Variants in SYTL2 observed in about 807,000 individuals in gnomAD.
SYTL2 encodes the protein synaptotagmin-like protein 2.
A neutral mutation model predicts 198.7 loss-of-function variants in SYTL2; 165 were observed. The observed-to-expected ratio is 0.83, with a 90% CI of 0.73 to 0.94. The LOEUF (loss-of-function observed/expected upper bound fraction) is 0.94. Among genes scored for constraint, SYTL2 ranks in the 40% least tolerant of loss-of-function variants. SYTL2 has a pLI of 0.00. For synonymous variants in SYTL2, 966 were observed against 917.7 expected (o/e 1.05, Z -0.95); for missense variants, 2,835 against 2,582.8 (o/e 1.10, Z -2.12).
chr11:85,816,915 CAAAAA>C, the SYTL2 span, among the ~76,000 whole-genome samples: 4 of 80,918 alleles, frequency 4.9e-5, no homozygotes, highest in African/African-American at 5.0e-5. Flanking sequence ...AACCCTGTCT[CAAAAA>C]AAAAAAAAAA....
Position 85,734,631 on chromosome 11 carries a change from G to A in SYTL2, c.698C>T (p.Ala233Val), listed in dbSNP as rs776027389. 7 of 1,614,026 alleles carry A rather than the reference G, an allele frequency of 4.3e-6. No individual in the cohort carries two copies. Among genetic ancestry groups the A allele is most frequent in the South Asian group, 1.1e-5 (1 of 91,086 alleles). The change falls in exon 7 of 20, where the codon GCT (alanine) becomes GTT (valine). Residue 233 changes from alanine to valine, a missense_variant. Physicochemically the swap from Ala to Val is moderately conservative, Grantham distance 64 (BLOSUM62 0). This residue lies in a region of SYTL2 where 2,645 missense variants were observed against 2,381.7 expected (regional missense o/e 1.11). Coordinates refer to ENST00000359152, the MANE Select transcript of SYTL2 (RefSeq NM_206927.4). ...PGLSNGSQIK[A>V]PIPKARKMIY... ...CATCTTCCTGGCTTTGGGGATTGGA[G>A]CCTTGATTTGGGACCCATTTGAAAG...
intron 17 of SYTL2, among the ~76,000 whole-genome samples, chr11:85,698,644 C>T (rs776810563): frequency 6.6e-6 from 1 of 152,072 alleles, no homozygotes; most frequent in Non-Finnish European, 1.5e-5. Flanking sequence ...CTCAAGTGAT[C>T]CTCCTACCTC....
intron 1 of SYTL2, among the ~76,000 whole-genome samples, chr11:85,789,531 G>C (rs1447497865): frequency 6.7e-6 from 1 of 149,798 alleles, no homozygotes; most frequent in Non-Finnish European, 1.5e-5. Flanking sequence ...CACCGCCCCT[G>C]GCCAAATTAT....
chr11:85,721,647 T>C (rs1741187470), intron 8 of SYTL2, among the ~76,000 whole-genome samples: 1 of 152,138 alleles, frequency 6.6e-6, no homozygotes, highest in Admixed American at 6.5e-5. Context: ...CCTAGAACAG[T>C]GGCTGGAAAT....
At chr11:85,771,649 C>T (rs564757427) in intron 1 of SYTL2, among the ~76,000 whole-genome samples, 96 of 152,166 alleles carry the variant, frequency 6.3e-4, no homozygotes, top group African/African-American at 2.2e-3. Context: ...GCCCTTTTTC[C>T]GCAGTCTAGT....
chr11:85,722,038 C>A lies in SYTL2; in HGVS notation c.5327-1079G>T, dbSNP rs1340399106. Among the ~76,000 whole-genome samples, 3 of 152,234 alleles carry A rather than the reference C, an allele frequency of 2.0e-5. No homozygotes were observed. The South Asian group carries it at 6.2e-4, about 32-fold the overall frequency. On this transcript the variant is annotated intron_variant, in intron 8 of 19. Coordinates refer to ENST00000359152, the MANE Select transcript of SYTL2 (RefSeq NM_206927.4). The stretch of plus-strand genomic sequence containing the variant: ...TTCTCTTCATTTTTCACCCCACCCC[C>A]ACTGCAGTTTGCTTTAAAATAATAA...
chr11:85,741,762 G>GA (rs368062368), intron 4 of SYTL2, among the ~76,000 whole-genome samples: 2 of 152,128 alleles, frequency 1.3e-5, no homozygotes, highest in African/African-American at 4.8e-5. Context: ...AGACTTTCAG[G>GA]AAAAAGAGCA....
the SYTL2 span, among the ~76,000 whole-genome samples, chr11:85,837,483 T>C: frequency 6.6e-6 from 1 of 152,230 alleles, no homozygotes; most frequent in African/African-American, 2.4e-5. Context: ...GACCACTTTC[T>C]ACTGTTTATA....
At chr11:85,822,102 T>C in the SYTL2 span, among the ~76,000 whole-genome samples, 2 of 152,344 alleles carry the variant, frequency 1.3e-5, no homozygotes, top group South Asian at 4.1e-4. Flanking sequence ...AGGCAGGTGT[T>C]ACCACTCCCA....
At position 85,734,201 on chromosome 11, in the gene SYTL2, T is replaced by G; in HGVS notation, c.1128A>C (p.Glu376Asp). Residue 376 changes from glutamate to aspartate, a missense_variant, in exon 7 of 20, where the codon GAA (glutamate) becomes GAC (aspartate). Transcript: ENST00000359152. ...KNGMEDAGDT[E>D]EFQSDPKPSQ... ...AAGGCTTAGGGTCACTCTGAAACTC[T>G]TCTGTGTCCCCTGCATCTTCCATTC... 6.2e-7 allele frequency: 1 copy of G among 1,614,196 alleles called. No homozygotes were observed. The highest frequency in any genetic ancestry group is 8.5e-7 in the Non-Finnish European group (1 of 1,180,022).
rs529890387 is a variant in SYTL2, at chr11:85,799,990, A to C, written c.-390+10964T>G. 2.0e-5 allele frequency among the ~76,000 whole-genome samples: 3 copies of C among 152,354 alleles called. No individual in the cohort carries two copies. The South Asian group carries it at 6.2e-4, about 32-fold the overall frequency. ...ACTGTTTAATAATAGTTTAAAGAGA[A>C]TAGCAAGAGATTTTCTGTAAAGATC... is the stretch of plus-strand genomic sequence containing the variant. On this transcript the variant is annotated intron_variant, in intron 1 of 19. Transcript: ENST00000359152.
At chr11:85,813,394 C>G (rs1381462759), upstream of SYTL2, among the ~76,000 whole-genome samples, 2 of 152,190 alleles carry the variant, frequency 1.3e-5, no homozygotes, top group Admixed American at 6.5e-5. Flanking sequence ...TAGCATGATG[C>G]CTTGCACATA....
the SYTL2 span, among the ~76,000 whole-genome samples, chr11:85,824,492 A>C: frequency 1.3e-4 from 20 of 152,316 alleles, no homozygotes; most frequent in African/African-American, 4.6e-4. Flanking sequence ...ATTTCACTGA[A>C]GATTTCCCAC....
chr11:85,837,389 G>A, the SYTL2 span, among the ~76,000 whole-genome samples: 1 of 152,232 alleles, frequency 6.6e-6, no homozygotes, highest in Non-Finnish European at 1.5e-5. Context: ...TGAGGACACA[G>A]TAAGGAGGCA....
chr11:85,729,700 C>G (rs2089601238), intron 7 of SYTL2, among the ~76,000 whole-genome samples: 1 of 152,184 alleles, frequency 6.6e-6, no homozygotes, highest in East Asian at 1.9e-4. Context: ...CAAGAGCAAA[C>G]AAATTCAAAA....
intron 2 of SYTL2, among the ~76,000 whole-genome samples, chr11:85,757,353 T>C (rs1477172045): frequency 1.3e-5 from 2 of 152,240 alleles, no homozygotes; most frequent in Admixed American, 6.5e-5. Flanking sequence ...TGTGGTTGTA[T>C]ACATTTCATT....
chr11:85,719,247 A>C, intron 9 of SYTL2: 1 of 1,190,902 alleles, frequency 8.4e-7, no homozygotes, highest in Non-Finnish European at 1.1e-6. Flanking sequence ...GTGCATCATC[A>C]TTCACATATG....
At chr11:85,819,926 C>T in the SYTL2 span, among the ~76,000 whole-genome samples, 1 of 152,196 alleles carries the variant, frequency 6.6e-6, no homozygotes, top group African/African-American at 2.4e-5. Context: ...GAGACAGTAT[C>T]TTATTCCTCT....
At chr11:85,703,776 G>A (rs1013015064) in intron 16 of SYTL2, among the ~76,000 whole-genome samples, 2 of 152,090 alleles carry the variant, frequency 1.3e-5, no homozygotes, top group African/African-American at 2.4e-5. Flanking sequence ...ATTAAAACAT[G>A]ACCAAAAATA....
Sources: allele counts gnomAD v4.1 joint callset (sites outside exome capture counted in the v4.1 genomes callset), GRCh38; gene constraint gnomAD v4.1.1; regional missense constraint gnomAD v4.1.1; transcripts MANE v1.5; gene names NCBI Gene and HGNC (gene_info 2026-07-23, HGNC 2026-07-21).